HNRNPD: variants seen among roughly 807,000 people sequenced by gnomAD.
The protein encoded by HNRNPD is heterogeneous nuclear ribonucleoprotein D.
In HNRNPD, 3 loss-of-function variants were observed where a neutral mutation model predicts 47.9. The ratio of observed to expected loss-of-function variants is 0.06; its 90% CI spans 0.03 to 0.16. The LOEUF is 0.16. Ranked by LOEUF, HNRNPD falls within the 10% of genes least tolerant of loss-of-function variation. The pLI is 1.00. For synonymous variants in HNRNPD, 171 were observed against 165.1 expected, an observed-to-expected ratio of 1.04 and a Z score of -0.28; for missense variants, 287 against 454.2, an observed-to-expected ratio of 0.63 and a Z score of 3.35.
At position 82,359,760 on chromosome 4, in the gene HNRNPD, T is replaced by C. The variant is rs1004823694; in HGVS notation, c.291-121A>G. ...ACTGGGCAGTATATTAAAACATCAT[T>C]CTTCCTACATAACCACACATCAGGA... On this transcript the variant is annotated intron_variant, in intron 2 of 8. Coordinates refer to ENST00000313899, the MANE Select transcript of HNRNPD (RefSeq NM_031370.3). 3.0e-5 allele frequency: 16 copies of C among 533,054 alleles called. No homozygotes were observed. In the East Asian group the frequency reaches 3.9e-4, roughly 13 times the overall value. 33.0% of individuals were successfully genotyped at this position (533,054 alleles called of 1,614,324 possible).
chr4:82,373,625 C>T lies in HNRNPD; in HGVS notation c.54G>A (p.Ala18=), dbSNP rs1023530018. The T allele has an allele frequency of 3.9e-6, 6 of 1,527,248 alleles. No individual in the cohort carries two copies. In the African/African-American group the frequency reaches 7.0e-5, roughly 18 times the overall value. 94.6% of individuals were successfully genotyped at this position (1,527,248 alleles called of 1,614,324 possible). The change falls in exon 1 of 9, where the codon GCG becomes GCA. Residue 18 remains alanine, a synonymous_variant. Coordinates refer to ENST00000313899, the MANE Select transcript of HNRNPD (RefSeq NM_031370.3). Reference sequence around the variant, plus strand: ...CCTGCTCGCCCGCCGAGCCGCCTACCGCCGCCGTTGCCGCTGCCGCCGCCC... The same window carrying T: ...CCTGCTCGCCCGCCGAGCCGCCTACTGCCGCCGTTGCCGCTGCCGCCGCCC... ...GDGAAAAATA[A]VGGSAGEQEG...
Position 82,357,385 on chromosome 4 carries a change from A to G in HNRNPD, c.681T>C (p.Phe227=). Residue 227 remains phenylalanine, a synonymous_variant, in exon 5 of 9, where the codon TTT becomes TTC. Transcript: ENST00000313899. ...CTGGTTCTTCTTCCTTAAAGGTAATAAAGCAGAACCCACGCCTCTTATTGG... is the reference window on the plus strand; with the variant it reads ...CTGGTTCTTCTTCCTTAAAGGTAATGAAGCAGAACCCACGCCTCTTATTGG... ...NKTNKRRGFC[F]ITFKEEEPVK... is the part of the protein sequence containing the mutation. 1 of 1,613,630 alleles carries G rather than the reference A, an allele frequency of 6.2e-7. No homozygotes were observed. The highest frequency in any genetic ancestry group is 8.5e-7 in the Non-Finnish European group (1 of 1,179,776).
At position 82,355,329 on chromosome 4, in the gene HNRNPD, A is replaced by G. The variant is rs774530317; in HGVS notation, c.*5T>C. ...CTGTTGGGGATAAGTTGCAAATGGA[A>G]TAATTTAGTATGGTTTGTAGCTATT... On this transcript the variant is annotated 3_prime_UTR_variant, in exon 8 of 9. Transcript: ENST00000313899. 55 of 1,609,458 alleles carry G rather than the reference A, an allele frequency of 3.4e-5. No individual in the cohort carries two copies. The highest frequency in any genetic ancestry group is 4.6e-5 in the Non-Finnish European group (54 of 1,175,934).
At chr4:82,363,806 C>A (rs1719608985) in intron 2 of HNRNPD, among the ~76,000 whole-genome samples, 1 of 152,162 alleles carries the variant, frequency 6.6e-6, no homozygotes, top group Non-Finnish European at 1.5e-5. Context: ...TGGCTTCCAC[C>A]AAATTGTAAA....
chr4:82,372,921 A>G (rs1362821325), intron 1 of HNRNPD, among the ~76,000 whole-genome samples: 1 of 152,246 alleles, frequency 6.6e-6, no homozygotes, highest in Non-Finnish European at 1.5e-5. Context: ...TAAGGCCGAC[A>G]AGGGAGAGGC....
At chr4:82,357,620 A>G in intron 4 of HNRNPD, 176 bp from the exon 5 acceptor site, 1 of 519,766 alleles carries the variant, frequency 1.9e-6, no homozygotes, top group South Asian at 3.5e-5. Context: ...AAATTAGAAC[A>G]CCCATTCCAT....
chr4:82,373,825 A>G lies in HNRNPD; in HGVS notation c.-147T>C. The G allele has an allele frequency of 1.3e-6, 2 of 1,482,192 alleles. No homozygotes were observed. Among genetic ancestry groups the G allele is most frequent in the Non-Finnish European group, 1.8e-6 (2 of 1,117,842 alleles). The allele number at this position is 1,482,192 out of a possible 1,614,324, so 91.8% of individuals were successfully genotyped here. A position where few individuals can be genotyped will look rare whatever the true frequency, so the allele number is the denominator to read the frequency against. On this transcript the variant is annotated 5_prime_UTR_variant, in exon 1 of 9. Coordinates refer to ENST00000313899, the MANE Select transcript of HNRNPD (RefSeq NM_031370.3). ...CAGGGAAGGCGCGCGCGTGGCTGCA[A>G]AGGCTCCTGCGCCTCTCCCTGGCCT...
chr4:82,360,335 C>T (rs1294931021), intron 2 of HNRNPD, among the ~76,000 whole-genome samples: 1 of 151,638 alleles, frequency 6.6e-6, no homozygotes. Flanking sequence ...GGGTGGTAAG[C>T]GGAAATCCAC....
At chr4:82,363,224 A>C (rs917605927) in intron 2 of HNRNPD, among the ~76,000 whole-genome samples, 1 of 151,820 alleles carries the variant, frequency 6.6e-6, no homozygotes, top group Non-Finnish European at 1.5e-5. Context: ...TAACAGGTGC[A>C]TGCCACCATG....
chr4:82,353,771 T>C lies in HNRNPD; in HGVS notation c.*414A>G, dbSNP rs912652338. ...CAAGCCTGTCTTCCAAACTTATGCT[T>C]TTAATAACTTGAATCCATGACAATT... On this transcript the variant is annotated 3_prime_UTR_variant, in exon 9 of 9. Coordinates refer to ENST00000313899, the MANE Select transcript of HNRNPD (RefSeq NM_031370.3). 2 of 152,648 alleles carry C rather than the reference T, an allele frequency of 1.3e-5. No homozygotes were observed. The highest frequency in any genetic ancestry group is 2.9e-5 in the Non-Finnish European group (2 of 68,020). The allele number at this position is 152,648 out of a possible 1,614,324, so 9.5% of individuals were successfully genotyped here.
rs762358018 is a variant in HNRNPD at position 82,373,173 on chromosome 4, G to A, written c.233+273C>T. 6.1e-6 allele frequency: 4 copies of A among 653,742 alleles called. No homozygotes were observed. In the Admixed American group the frequency reaches 6.2e-5, roughly 10 times the overall value. The allele number at this position is 653,742 out of a possible 1,614,324, so 40.5% of individuals were successfully genotyped here. A position where few individuals can be genotyped will look rare whatever the true frequency, so the allele number is the denominator to read the frequency against. On this transcript the variant is annotated intron_variant, in intron 1 of 8. Transcript: ENST00000313899. ...GCTAAGTCGGTGGGAGGAGACCCAT[G>A]GCGAGGGAGGAAAGGAGGGCGGGCC... is the stretch of plus-strand genomic sequence containing the variant.
chr4:82,357,521 G>A (rs1560433759), intron 4 of HNRNPD, 77 bp from the exon 5 acceptor site: 3 of 1,236,466 alleles, frequency 2.4e-6, no homozygotes, highest in South Asian at 1.6e-5. Flanking sequence ...TTAGAGGGGG[G>A]AAAACACACA....
chr4:82,365,661 A>G (rs1325933182), intron 2 of HNRNPD, among the ~76,000 whole-genome samples: 1 of 152,012 alleles, frequency 6.6e-6, no homozygotes, highest in Non-Finnish European at 1.5e-5. Flanking sequence ...CTGTGGTGCA[A>G]TGGTGTGATC....
intron 5 of HNRNPD, 131 bp from the exon 6 acceptor site, chr4:82,357,026 T>C (rs1723740872): frequency 1.2e-6 from 1 of 816,384 alleles, no homozygotes; most frequent in South Asian, 1.6e-5. Flanking sequence ...AGTCAGTTTA[T>C]TAATTAAACC....
At chr4:82,358,852 A>G in intron 3 of HNRNPD, 32 bp from the exon 4 acceptor site, 8 of 1,482,436 alleles carry the variant, frequency 5.4e-6, no homozygotes, top group Admixed American at 2.0e-5. Context: ...TTTAAAAAAT[A>G]TATATCTTAA....
At position 82,373,659 on chromosome 4, in the gene HNRNPD, C is replaced by T. The variant is rs1230473763; in HGVS notation, c.20G>A (p.Gly7Asp). ...TGCCGCTGCCGCCGCCCCGTCCCCG[C>T]CGAACTGCTCCTCCGACATAGTGCT... MSEEQFGGDGAAAAATA... is the reference protein window; with the variant it reads MSEEQFDGDGAAAAATA... Residue 7 changes from glycine to aspartate, a missense_variant, in exon 1 of 9, where the codon GGC (glycine) becomes GAC (aspartate). This residue lies in a region of HNRNPD where 161 missense variants were observed against 137.1 expected (regional missense o/e 1.17). Transcript: ENST00000313899. 5 of 1,528,966 alleles carry T rather than the reference C, an allele frequency of 3.3e-6. No homozygotes were observed. The highest frequency in any genetic ancestry group is 2.5e-5 in the East Asian group (1 of 40,002). The allele number at this position is 1,528,966 out of a possible 1,614,324, so 94.7% of individuals were successfully genotyped here.
intron 2 of HNRNPD, among the ~76,000 whole-genome samples, chr4:82,363,979 A>G (rs191985599): frequency 5.3e-5 from 8 of 152,222 alleles, no homozygotes; most frequent in Admixed American, 4.6e-4. Context: ...TTTAAACCCT[A>G]CTGCTGCCTT....
chr4:82,370,037 G>C (rs1719961276), intron 2 of HNRNPD, among the ~76,000 whole-genome samples: 1 of 152,134 alleles, frequency 6.6e-6, no homozygotes, highest in Non-Finnish European at 1.5e-5. Context: ...AACTACTTTG[G>C]AGGCTGAGGC....
intron 2 of HNRNPD, among the ~76,000 whole-genome samples, chr4:82,367,349 T>C (rs1278046447): frequency 6.6e-6 from 1 of 152,190 alleles, no homozygotes; most frequent in African/African-American, 2.4e-5. Flanking sequence ...TAACTGAGAT[T>C]ACTACATATT....
Sources: gnomAD v4.1 joint callset for allele counts (sites outside exome capture counted in the v4.1 genomes callset) on GRCh38, gnomAD v4.1.1 for gene constraint, gnomAD v4.1.1 regional missense constraint, MANE v1.5 for transcripts, NCBI Gene and HGNC (gene_info 2026-07-23, HGNC 2026-07-21) for gene names.